The following PTPRT variants were observed in gnomAD, a reference collection of about 807,000 sequenced individuals.
The protein encoded by PTPRT is protein tyrosine phosphatase receptor type T.
In PTPRT, 56 loss-of-function variants were observed where a neutral mutation model predicts 176.8. The observed-to-expected ratio is 0.32, with a 90% CI of 0.26 to 0.40. The LOEUF (loss-of-function observed/expected upper bound fraction) is 0.40, where lower values mean the gene tolerates loss of function less well. Ranked by LOEUF, PTPRT falls within the 10% of genes least tolerant of loss-of-function variation. The pLI is 1.00. For synonymous variants in PTPRT, 783 were observed against 739.0 expected, an observed-to-expected ratio of 1.06 and a Z score of -0.96; for missense variants, 1,540 against 1,908.2, an observed-to-expected ratio of 0.81 and a Z score of 3.60.
chr20:43,091,520 T>TTCTC (rs763714698), intron 1 of PTPRT, among the ~76,000 whole-genome samples: 1 of 130,692 alleles, frequency 7.7e-6, no homozygotes. Flanking sequence ...CCCCCTCTCT[T>TTCTC]TCTCTCTCTC....
At chr20:42,185,711 T>C (rs1426860585) in intron 16 of PTPRT, among the ~76,000 whole-genome samples, 2 of 152,220 alleles carry the variant, frequency 1.3e-5, no homozygotes, top group Non-Finnish European at 2.9e-5. Flanking sequence ...TCTGAGTATA[T>C]AGGATTTATA....
intron 1 of PTPRT, among the ~76,000 whole-genome samples, chr20:43,107,036 C>A (rs999138156): frequency 1.3e-5 from 2 of 152,080 alleles, no homozygotes; most frequent in Non-Finnish European, 1.5e-5. Flanking sequence ...GTGATCCGCC[C>A]GCCTCGGCCT....
intron 7 of PTPRT, among the ~76,000 whole-genome samples, chr20:42,630,171 C>T (rs992602143): frequency 6.6e-6 from 1 of 152,030 alleles, no homozygotes; most frequent in African/African-American, 2.4e-5. Context: ...ACACTGCTAC[C>T]TTTGAAGATA....
At chr20:42,464,151 A>G (rs1228779813) in intron 8 of PTPRT, among the ~76,000 whole-genome samples, 2 of 152,198 alleles carry the variant, frequency 1.3e-5, no homozygotes, top group East Asian at 3.9e-4. Context: ...GACGTCATAC[A>G]TATCCCCCAT....
At chr20:42,632,919 C>T (rs944393488) in intron 7 of PTPRT, among the ~76,000 whole-genome samples, 6 of 151,974 alleles carry the variant, frequency 3.9e-5, no homozygotes, top group African/African-American at 7.3e-5. Context: ...ACAGTATGTA[C>T]CTATAAAAGC....
intron 7 of PTPRT, among the ~76,000 whole-genome samples, chr20:42,629,901 G>A (rs1256613747): frequency 1.3e-5 from 2 of 152,194 alleles, no homozygotes; most frequent in African/African-American, 4.8e-5. Flanking sequence ...CTTAGCGTTA[G>A]AGTCCACAAC....
At chr20:42,662,548 A>G (rs2075242326) in intron 7 of PTPRT, among the ~76,000 whole-genome samples, 1 of 152,180 alleles carries the variant, frequency 6.6e-6, no homozygotes, top group South Asian at 2.1e-4. Context: ...ATTATTAGCC[A>G]TCATTAATAT....
chr20:42,076,584 G>A lies in PTPRT; in HGVS notation c.*4295C>T, dbSNP rs1296735219. The A allele has an allele frequency of 2.6e-5, 5 of 196,048 alleles. No homozygotes were observed. Among genetic ancestry groups the A allele is most frequent in the Non-Finnish European group, 5.3e-5 (5 of 94,362 alleles). 12.1% of individuals were successfully genotyped at this position (196,048 alleles called of 1,614,324 possible). A position where few individuals can be genotyped will look rare whatever the true frequency, so the allele number is the denominator to read the frequency against. ...AAAGGAGCTGCCTAGGAGAAGGTCA[G>A]TTGGTCTTGATCTTGAGCCTATAAC... is the stretch of plus-strand genomic sequence containing the variant. On this transcript the variant is annotated 3_prime_UTR_variant, in exon 31 of 31. Coordinates refer to ENST00000373187, the MANE Select transcript of PTPRT (RefSeq NM_007050.6).
intron 1 of PTPRT, among the ~76,000 whole-genome samples, chr20:42,962,044 G>C (rs1369453514): frequency 6.6e-6 from 1 of 152,190 alleles, no homozygotes; most frequent in South Asian, 2.1e-4. Context: ...ACCCTGCTGA[G>C]TTTAGACTTC....
chr20:42,215,037 C>G (rs2055735578), intron 15 of PTPRT, among the ~76,000 whole-genome samples: 1 of 152,232 alleles, frequency 6.6e-6, no homozygotes, highest in Admixed American at 6.5e-5. Context: ...AAGTACTTAA[C>G]TGGGATCTGT....
chr20:42,780,073 G>T, intron 4 of PTPRT, 145 bp downstream of exon 4: 1 of 717,966 alleles, frequency 1.4e-6, no homozygotes, highest in Non-Finnish European at 2.4e-6. Context: ...TGATTGCATT[G>T]AGTATGTAAG....
intron 7 of PTPRT, among the ~76,000 whole-genome samples, chr20:42,667,378 C>G (rs1315389721): frequency 1.3e-5 from 2 of 152,182 alleles, no homozygotes; most frequent in Non-Finnish European, 2.9e-5. Context: ...TCAAAACAAG[C>G]TCAACACTAT....
chr20:42,047,394 C>T, the PTPRT span, among the ~76,000 whole-genome samples: 3 of 152,220 alleles, frequency 2.0e-5, no homozygotes, highest in East Asian at 5.8e-4. Flanking sequence ...TGACAAGACC[C>T]TCTTCCTTTG....
At chr20:42,605,337 A>G (rs1168857843) in intron 7 of PTPRT, among the ~76,000 whole-genome samples, 2 of 152,000 alleles carry the variant, frequency 1.3e-5, no homozygotes, top group African/African-American at 2.4e-5. Context: ...TCAAAAGCCA[A>G]GGGGGGCCTG....
At chr20:42,838,163 A>G (rs1569183900) in intron 2 of PTPRT, among the ~76,000 whole-genome samples, 1 of 152,090 alleles carries the variant, frequency 6.6e-6, no homozygotes, top group African/African-American at 2.4e-5. Flanking sequence ...AGTAGCTGGG[A>G]TTACAAGTGC....
intron 6 of PTPRT, among the ~76,000 whole-genome samples, chr20:42,698,899 C>T (rs541609790): frequency 6.6e-6 from 1 of 151,974 alleles, no homozygotes; most frequent in East Asian, 1.9e-4. Context: ...ATAAATGGCC[C>T]TTCTTATCTG....
At chr20:42,052,622 C>T in the PTPRT span, among the ~76,000 whole-genome samples, 1 of 152,168 alleles carries the variant, frequency 6.6e-6, no homozygotes, top group Admixed American at 6.5e-5. Context: ...TTGGTATCCA[C>T]CTCACCAGGA....
intron 7 of PTPRT, among the ~76,000 whole-genome samples, chr20:42,478,401 C>T (rs2071327674): frequency 6.6e-6 from 1 of 152,120 alleles, no homozygotes; most frequent in South Asian, 2.1e-4. Flanking sequence ...CCCTGCTCCT[C>T]TTTCTACATC....
At chr20:42,352,362 C>T (rs6102794) in intron 9 of PTPRT, 77 bp from the exon 10 acceptor site, 2 of 1,470,266 alleles carry the variant, frequency 1.4e-6, no homozygotes, top group East Asian at 2.3e-5. Flanking sequence ...TTTAGAGGAA[C>T]CTTAGGGAGG....
Sources: gnomAD v4.1 joint callset for allele counts (sites outside exome capture counted in the v4.1 genomes callset) on GRCh38, gnomAD v4.1.1 for gene constraint, MANE v1.5 for transcripts, NCBI Gene and HGNC (gene_info 2026-07-23, HGNC 2026-07-21) for gene names.